Variants in CYP7B1 observed in about 807,000 individuals in gnomAD.
The protein encoded by CYP7B1 is cytochrome P450 family 7 subfamily B member 1.
A neutral mutation model predicts 42.7 loss-of-function variants in CYP7B1; 29 were observed. That is an observed-to-expected ratio of 0.68 (90% CI 0.51 to 0.93). The LOEUF (loss-of-function observed/expected upper bound fraction) is 0.93, where lower values mean the gene tolerates loss of function less well. CYP7B1 is among the 40% of genes least tolerant of loss of function. CYP7B1 has a pLI of 0.00. For synonymous variants in CYP7B1, 235 were observed against 218.2 expected (o/e 1.08, Z -0.68); for missense variants, 655 against 600.5 (o/e 1.09, Z -0.95).
At chr8:64,657,661 A>G (rs971025220) in intron 1 of CYP7B1, among the ~76,000 whole-genome samples, 2 of 152,236 alleles carry the variant, frequency 1.3e-5, no homozygotes, top group African/African-American at 4.8e-5. Context: ...AAAAATCCGT[A>G]TTCACTGTAG....
At chr8:64,606,091 A>T (rs1013010913) in intron 4 of CYP7B1, among the ~76,000 whole-genome samples, 19 of 152,354 alleles carry the variant, frequency 1.2e-4, no homozygotes, top group Middle Eastern at 6.8e-3. Context: ...TGTCTAAAGA[A>T]ATGAGGCTGC....
chr8:64,679,311 C>A (rs1195856871), intron 1 of CYP7B1, among the ~76,000 whole-genome samples: 1 of 152,086 alleles, frequency 6.6e-6, no homozygotes, highest in Non-Finnish European at 1.5e-5. Flanking sequence ...ATCATCACTA[C>A]TTTATATGCC....
In CYP7B1 at chr8:64,642,193, G is replaced by C. The variant is rs112191838; in HGVS notation, c.123-17654C>G. 3.1e-3 allele frequency among the ~76,000 whole-genome samples: 475 copies of C among 152,002 alleles called. 8 individuals carry two copies. Among genetic ancestry groups the C allele is most frequent in the African/African-American group, 0.011 (463 of 41,448 alleles). The stretch of plus-strand genomic sequence containing the variant: ...GCATGTATAGATATATAAATATGTA[G>C]ACATAACTAAAAGTCACAAAATGAT... On this transcript the variant is annotated intron_variant, in intron 1 of 5. Transcript: ENST00000310193.
chr8:64,721,225 G>A (rs1209656458), intron 1 of CYP7B1, among the ~76,000 whole-genome samples: 2 of 151,688 alleles, frequency 1.3e-5, no homozygotes, highest in Non-Finnish European at 2.9e-5. Flanking sequence ...TATCTTTGTC[G>A]AAATTACAAA....
chr8:64,615,260 T>C, intron 3 of CYP7B1, 28 bp from the exon 4 acceptor site: 1 of 1,584,400 alleles, frequency 6.3e-7, no homozygotes, highest in South Asian at 1.1e-5. Flanking sequence ...AAAAGGAAGA[T>C]TAATAGCGTT....
intron 1 of CYP7B1, among the ~76,000 whole-genome samples, chr8:64,672,305 G>T (rs1037017678): frequency 2.6e-5 from 4 of 152,094 alleles, no homozygotes; most frequent in Non-Finnish European, 5.9e-5. Context: ...GGAGGTGACC[G>T]ATTAAGGTGT....
At chr8:64,663,925 A>G (rs1301444083) in intron 1 of CYP7B1, among the ~76,000 whole-genome samples, 1 of 152,180 alleles carries the variant, frequency 6.6e-6, no homozygotes, top group African/African-American at 2.4e-5. Flanking sequence ...CAATGCTACA[A>G]GATATGTGTG....
rs552609430 is a variant in CYP7B1 at position 64,638,129 on chromosome 8, AT to A, written c.123-13591del. 3.5e-3 allele frequency among the ~76,000 whole-genome samples: 521 copies of A among 148,846 alleles called. 1 individual carries two copies. Among genetic ancestry groups the A allele is most frequent in the Non-Finnish European group, 5.3e-3 (355 of 67,008 alleles). On this transcript the variant is annotated intron_variant, in intron 1 of 5. Transcript: ENST00000310193. ...AGACTATTAAACATAGTTTCTTGGG[AT>A]TTTTTTTTTCATGTTCCTTGAATTG... is the stretch of plus-strand genomic sequence containing the variant.
chr8:64,696,677 T>C (rs745642966), intron 1 of CYP7B1, among the ~76,000 whole-genome samples: 2 of 152,226 alleles, frequency 1.3e-5, no homozygotes, highest in Non-Finnish European at 2.9e-5. Context: ...GTAAAGTATT[T>C]AGCCTGATTT....
At position 64,686,298 on chromosome 8, in the gene CYP7B1, C is replaced by T. The variant is rs1362320494; in HGVS notation, c.123-61759G>A. Among the ~76,000 whole-genome samples, 70 of 44,314 alleles carry T rather than the reference C, an allele frequency of 1.6e-3. 10 individuals are homozygous for T. The highest frequency in any genetic ancestry group is 2.6e-3 in the Non-Finnish European group (52 of 19,774). The allele number at this position is 44,314 out of a possible 152,430, so 29.1% of individuals were successfully genotyped here. A position where few individuals can be genotyped will look rare whatever the true frequency, so the allele number is the denominator to read the frequency against. ...GAGGTGGGGGGGTCGGCCCCCCACC[C>T]GGCCAGCCGCCCCGTCCGGGAGGTG... On this transcript the variant is annotated intron_variant, in intron 1 of 5. Transcript: ENST00000310193.
intron 1 of CYP7B1, among the ~76,000 whole-genome samples, chr8:64,691,717 A>G (rs181176808): frequency 3.9e-5 from 6 of 152,338 alleles, no homozygotes; most frequent in Admixed American, 1.3e-4. Context: ...GTCATGGATC[A>G]TCTGAGCACT....
chr8:64,774,666 C>T (rs1403304727), intron 1 of CYP7B1, among the ~76,000 whole-genome samples: 1 of 152,162 alleles, frequency 6.6e-6, no homozygotes, highest in Non-Finnish European at 1.5e-5. Flanking sequence ...TGTAACTCGG[C>T]TATAACCCCC....
chr8:64,644,985 C>T (rs1390074010), intron 1 of CYP7B1, among the ~76,000 whole-genome samples: 1 of 150,170 alleles, frequency 6.7e-6, no homozygotes, highest in East Asian at 2.0e-4. Flanking sequence ...TGTTCAATTC[C>T]CACCTATGAG....
At chr8:64,712,947 T>G (rs1807103271) in intron 1 of CYP7B1, among the ~76,000 whole-genome samples, 2 of 152,292 alleles carry the variant, frequency 1.3e-5, no homozygotes, top group South Asian at 4.1e-4. Flanking sequence ...ACTTTGCATA[T>G]AATCCTATTA....
At chr8:64,643,071 ATG>A (rs374456738) in intron 1 of CYP7B1, among the ~76,000 whole-genome samples, 22 of 145,852 alleles carry the variant, frequency 1.5e-4, no homozygotes, top group African/African-American at 5.2e-4. Context: ...AATCAATAGG[ATG>A]TGTGTGTGTG....
At chr8:64,745,852 G>A (rs947071477) in intron 1 of CYP7B1, among the ~76,000 whole-genome samples, 4 of 152,156 alleles carry the variant, frequency 2.6e-5, no homozygotes, top group Non-Finnish European at 4.4e-5. Context: ...GAATGCAAGT[G>A]AATTGCTTAG....
At chr8:64,784,391 T>C (rs1804486459) in intron 1 of CYP7B1, among the ~76,000 whole-genome samples, 1 of 152,204 alleles carries the variant, frequency 6.6e-6, no homozygotes, top group Non-Finnish European at 1.5e-5. Flanking sequence ...GAACTACTGA[T>C]ATATTTTTCA....
At chr8:64,614,974 G>A (rs919597624) in intron 4 of CYP7B1, 52 bp downstream of exon 4, 10 of 1,585,826 alleles carry the variant, frequency 6.3e-6, no homozygotes, top group Admixed American at 1.7e-5. Context: ...GTGATAAACC[G>A]AGTTTGCAGA....
At chr8:64,653,740 A>G (rs1175896295) in intron 1 of CYP7B1, among the ~76,000 whole-genome samples, 1 of 152,248 alleles carries the variant, frequency 6.6e-6, no homozygotes, top group South Asian at 2.1e-4. Flanking sequence ...CATCGATGCA[A>G]AAATCCTCAA....
Sources: gnomAD v4.1 joint callset for allele counts (sites outside exome capture counted in the v4.1 genomes callset) on GRCh38, gnomAD v4.1.1 for gene constraint, MANE v1.5 for transcripts, NCBI Gene and HGNC (gene_info 2026-07-23, HGNC 2026-07-21) for gene names.